The following UGGT2 variants were observed in gnomAD, a reference collection of about 807,000 sequenced individuals.
UGGT2 encodes the protein UDP-glucose glycoprotein glucosyltransferase 2, also known as UDP-glucose:glycoprotein glucosyltransferase 2.
UGGT2 carries 180 observed loss-of-function variants against 192.1 expected under a neutral mutation model. That is an observed-to-expected ratio of 0.94 (90% CI 0.83 to 1.06). UGGT2 has a LOEUF of 1.06. Ranked by LOEUF, UGGT2 falls within the 50% of genes least tolerant of loss-of-function variation. The pLI, the probability that UGGT2 is intolerant of heterozygous loss-of-function variation, is 0.00. For missense variants in UGGT2, 1,849 were observed against 1,795.7 expected (o/e 1.03, Z -0.54); for synonymous variants, 580 against 591.0 (o/e 0.98, Z 0.27).
At chr13:95,912,183 G>A (rs1246777375) in intron 20 of UGGT2, among the ~76,000 whole-genome samples, 1 of 151,998 alleles carries the variant, frequency 6.6e-6, no homozygotes, top group Non-Finnish European at 1.5e-5. Context: ...GCACAAGACA[G>A]GGATGCTCTC....
rs534739347 is a variant in UGGT2, at chr13:95,921,943, A to G, written c.2295+3737T>C. On this transcript the variant is annotated intron_variant, in intron 20 of 38. Coordinates refer to ENST00000376747, the MANE Select transcript of UGGT2 (RefSeq NM_020121.4). ...ATTGCTGGGTATATATCCAAAGAAA[A>G]ATAAATCATTCTACCAAAAAAGACA... Among the ~76,000 whole-genome samples the G allele has an allele frequency of 3.1e-4, 47 of 152,246 alleles. 1 individual carries two copies. In the Middle Eastern group the frequency reaches 0.01, roughly 33 times the overall value.
At chr13:95,943,557 A>G (rs1464339836) in intron 15 of UGGT2, among the ~76,000 whole-genome samples, 1 of 152,006 alleles carries the variant, frequency 6.6e-6, no homozygotes, top group Non-Finnish European at 1.5e-5. Flanking sequence ...TGTGGTATGT[A>G]GTAGGCATTT....
chr13:96,002,057 T>G, intron 5 of UGGT2, among the ~76,000 whole-genome samples: 1 of 152,214 alleles, frequency 6.6e-6, no homozygotes, highest in East Asian at 1.9e-4. Context: ...CTACTTAAGT[T>G]TTAGTGGAGT....
At chr13:96,017,858 A>T (rs965169596) in intron 4 of UGGT2, among the ~76,000 whole-genome samples, 3 of 152,146 alleles carry the variant, frequency 2.0e-5, no homozygotes, top group African/African-American at 7.2e-5. Context: ...TTGGGACAAA[A>T]GTTTAAAGCC....
At chr13:95,856,561 C>A in intron 33 of UGGT2, 1 of 497,590 alleles carries the variant, frequency 2.0e-6, no homozygotes. Flanking sequence ...AATTTAACGT[C>A]ATTAAAAATA....
chr13:96,030,810 T>C (rs2052810712), intron 2 of UGGT2, among the ~76,000 whole-genome samples: 1 of 152,192 alleles, frequency 6.6e-6, no homozygotes, highest in Non-Finnish European at 1.5e-5. Flanking sequence ...CTGAGGAAGA[T>C]ATACGTATAT....
chr13:95,896,241 C>G (rs1392047215), intron 22 of UGGT2, among the ~76,000 whole-genome samples: 8 of 152,082 alleles, frequency 5.3e-5, no homozygotes, highest in African/African-American at 1.9e-4. Flanking sequence ...TTCATCTTTT[C>G]TAAAAATTAC....
Position 95,956,893 on chromosome 13 carries a change from G to T in UGGT2, c.1336-7439C>A, listed in dbSNP as rs950040490. On this transcript the variant is annotated intron_variant, in intron 12 of 38. Coordinates refer to ENST00000376747, the MANE Select transcript of UGGT2 (RefSeq NM_020121.4). ...CTTGTACATCAAAGTTCATAGCACA[G>T]CATTATTCACAATAGCCAAAAGTTA... 3.3e-5 allele frequency among the ~76,000 whole-genome samples: 5 copies of T among 152,346 alleles called. No individual in the cohort carries two copies. The South Asian group carries it at 8.3e-4, about 25-fold the overall frequency.
At chr13:95,946,446 G>A (rs1188310432) in intron 15 of UGGT2, among the ~76,000 whole-genome samples, 1 of 152,144 alleles carries the variant, frequency 6.6e-6, no homozygotes, top group African/African-American at 2.4e-5. Context: ...TTGGCTCATT[G>A]CAGCCTCAAC....
At chr13:95,928,215 G>GC (rs901731878) in intron 17 of UGGT2, among the ~76,000 whole-genome samples, 38 of 150,596 alleles carry the variant, frequency 2.5e-4, no homozygotes, top group Non-Finnish European at 4.9e-4. Context: ...GGGCAGAGGC[G>GC]CCCCCCACCT....
At chr13:96,003,361 G>A (rs904280913) in intron 5 of UGGT2, among the ~76,000 whole-genome samples, 2 of 152,124 alleles carry the variant, frequency 1.3e-5, no homozygotes, top group Non-Finnish European at 2.9e-5. Context: ...ACTAAGCACA[G>A]TGCCCAAATT....
intron 12 of UGGT2, among the ~76,000 whole-genome samples, chr13:95,961,657 C>A (rs1170061267): frequency 6.6e-6 from 1 of 152,020 alleles, no homozygotes; most frequent in African/African-American, 2.4e-5. Context: ...ATAGCTGGAA[C>A]CTTCAACACC....
At chr13:95,932,311 T>TGTGTGTGTGTG (rs2049311268) in intron 17 of UGGT2, among the ~76,000 whole-genome samples, 40 of 139,508 alleles carry the variant, frequency 2.9e-4, no homozygotes, top group African/African-American at 1.0e-3. Flanking sequence ...GGTATTTTAT[T>TGTGTGTGTGTG]TGTGTGTGTG....
intron 37 of UGGT2, among the ~76,000 whole-genome samples, chr13:95,834,852 T>G (rs191066461): frequency 1.8e-4 from 27 of 152,242 alleles, no homozygotes; most frequent in African/African-American, 6.5e-4. Flanking sequence ...TCTCCACACT[T>G]TTTTTCCCCT....
intron 30 of UGGT2, among the ~76,000 whole-genome samples, chr13:95,865,854 A>G (rs1180842494): frequency 6.6e-6 from 1 of 152,214 alleles, no homozygotes; most frequent in Non-Finnish European, 1.5e-5. Flanking sequence ...AAATACTCAT[A>G]AAGTGCTTTA....
chr13:95,856,342 T>TA lies in UGGT2; in HGVS notation c.3826-3dup, dbSNP rs1889613736. The stretch of plus-strand genomic sequence containing the variant: ...TTTAGCCATGTGAGGAATTACTTCC[T>TA]AAAAACACACACACAAAATCAAACA... On this transcript the variant is annotated splice_polypyrimidine_tract_variant and splice_region_variant and intron_variant, in intron 33 of 38. Coordinates refer to ENST00000376747, the MANE Select transcript of UGGT2 (RefSeq NM_020121.4). The TA allele has an allele frequency of 4.4e-6, 7 of 1,598,090 alleles. No individual in the cohort carries two copies. Among genetic ancestry groups the TA allele is most frequent in the Non-Finnish European group, 6.0e-6 (7 of 1,176,466 alleles).
At chr13:95,874,663 C>T (rs1167775117) in intron 29 of UGGT2, among the ~76,000 whole-genome samples, 1 of 151,984 alleles carries the variant, frequency 6.6e-6, no homozygotes, top group Admixed American at 6.6e-5. Flanking sequence ...CTCCCCTTTT[C>T]TCCCCTTCCT....
intron 36 of UGGT2, among the ~76,000 whole-genome samples, chr13:95,847,437 C>T (rs1888583825): frequency 6.6e-6 from 1 of 152,150 alleles, no homozygotes; most frequent in African/African-American, 2.4e-5. Context: ...ATTCTCTGTG[C>T]TCCACCATAT....
intron 16 of UGGT2, among the ~76,000 whole-genome samples, chr13:95,938,847 G>A (rs938168486): frequency 2.0e-5 from 3 of 151,936 alleles, no homozygotes; most frequent in African/African-American, 7.3e-5. Flanking sequence ...CATTTTCTCT[G>A]CCTCCACTTC....
Sources: allele counts gnomAD v4.1 joint callset (sites outside exome capture counted in the v4.1 genomes callset), GRCh38; gene constraint gnomAD v4.1.1; transcripts MANE v1.5; gene names NCBI Gene and HGNC (gene_info 2026-07-23, HGNC 2026-07-21).